Variants in KIF6 observed in about 807,000 individuals in gnomAD.
KIF6 encodes kinesin family member 6, also known as kinesin-like protein KIF6.
KIF6 carries 106 observed loss-of-function variants against 112.7 expected under a neutral mutation model. That is an observed-to-expected ratio of 0.94 (90% CI 0.80 to 1.11). The LOEUF is 1.11. Ranked by LOEUF, KIF6 falls within the 50% of genes least tolerant of loss-of-function variation. KIF6 has a pLI of 0.00. For missense variants in KIF6, 929 were observed against 964.0 expected, an observed-to-expected ratio of 0.96 and a Z score of 0.48; for synonymous variants, 339 against 339.9, an observed-to-expected ratio of 1.00 and a Z score of 0.03.
intron 3 of KIF6, among the ~76,000 whole-genome samples, chr6:39,669,263 G>GCTAC (rs1022549842): frequency 8.5e-5 from 13 of 152,260 alleles, no homozygotes; most frequent in Middle Eastern, 3.4e-3. Flanking sequence ...CACAAGTCAT[G>GCTAC]CTACCTCCCC....
intron 13 of KIF6, among the ~76,000 whole-genome samples, chr6:39,506,490 C>A (rs964937518): frequency 6.6e-6 from 1 of 152,042 alleles, no homozygotes; most frequent in African/African-American, 2.4e-5. Flanking sequence ...GCATATCCTG[C>A]ACATGTATCC....
intron 10 of KIF6, among the ~76,000 whole-genome samples, chr6:39,561,480 T>C (rs1258990106): frequency 6.6e-6 from 1 of 151,774 alleles, no homozygotes; most frequent in African/African-American, 2.4e-5. Flanking sequence ...GCATCTTGAG[T>C]AGCTGGGATT....
chr6:39,610,830 A>G (rs1275658583), intron 6 of KIF6, among the ~76,000 whole-genome samples: 1 of 152,234 alleles, frequency 6.6e-6, no homozygotes, highest in Non-Finnish European at 1.5e-5. Flanking sequence ...AAGAAAAGAC[A>G]AAAGCAAGCA....
chr6:39,602,717 C>T (rs529364148), intron 6 of KIF6, among the ~76,000 whole-genome samples: 2 of 152,292 alleles, frequency 1.3e-5, no homozygotes, highest in South Asian at 4.1e-4. Context: ...TCAAATCTCC[C>T]TATCAGTCTT....
intron 5 of KIF6, among the ~76,000 whole-genome samples, chr6:39,632,729 A>G (rs972712948): frequency 6.6e-6 from 1 of 152,060 alleles, no homozygotes; most frequent in African/African-American, 2.4e-5. Flanking sequence ...GGTTCAAGCG[A>G]TTCTCCTGCC....
At chr6:39,481,013 T>C (rs918830862) in intron 13 of KIF6, among the ~76,000 whole-genome samples, 1 of 152,174 alleles carries the variant, frequency 6.6e-6, no homozygotes. Context: ...ACCGGCCTTT[T>C]GTTTCATTTA....
At chr6:39,482,006 G>GCACACACA (rs143093562) in intron 13 of KIF6, among the ~76,000 whole-genome samples, 7,820 of 141,128 alleles carry the variant, frequency 0.055, 279 homozygotes, top group Admixed American at 0.13. Flanking sequence ...GGACCTTTAG[G>GCACACACA]CACACACACA....
At chr6:39,588,441 C>T (rs755649141) in intron 7 of KIF6, among the ~76,000 whole-genome samples, 12 of 152,150 alleles carry the variant, frequency 7.9e-5, no homozygotes, top group Non-Finnish European at 1.5e-4. Context: ...TCTCAAACTC[C>T]TGGCTCCAGT....
chr6:39,565,936 A>T (rs1202793988), intron 10 of KIF6, among the ~76,000 whole-genome samples: 1 of 152,224 alleles, frequency 6.6e-6, no homozygotes, highest in Non-Finnish European at 1.5e-5. Context: ...AGGTATTAAA[A>T]TAAAGTATCC....
chr6:39,442,277 A>T lies in KIF6; in HGVS notation c.1646-11116T>A, dbSNP rs142807666. 8.1e-3 allele frequency among the ~76,000 whole-genome samples: 1,230 copies of T among 152,342 alleles called. 11 individuals carry two copies. Among genetic ancestry groups the T allele is most frequent in the African/African-American group, 0.028 (1,154 of 41,588 alleles). On this transcript the variant is annotated intron_variant, in intron 13 of 22. Coordinates refer to ENST00000287152, the MANE Select transcript of KIF6 (RefSeq NM_145027.6). ...AAGGGCTGGCTTGCCAAAGGAGTGG[A>T]CAGGCCTGGAGCCTCTGAAAAAATG...
At chr6:39,477,786 G>A (rs772614172) in intron 13 of KIF6, among the ~76,000 whole-genome samples, 41 of 152,212 alleles carry the variant, frequency 2.7e-4, no homozygotes, top group Non-Finnish European at 3.8e-4. Flanking sequence ...GCTTGATCCC[G>A]GGAGGCGGAG....
At chr6:39,474,932 C>T (rs747159014) in intron 13 of KIF6, among the ~76,000 whole-genome samples, 2 of 152,218 alleles carry the variant, frequency 1.3e-5, no homozygotes, top group African/African-American at 2.4e-5. Flanking sequence ...AGGACGATTG[C>T]TATGACTTCA....
chr6:39,544,834 C>T, intron 11 of KIF6, 141 bp from the exon 12 acceptor site: 1 of 457,628 alleles, frequency 2.2e-6, no homozygotes, highest in Non-Finnish European at 3.8e-6. Context: ...CTTTGCGATG[C>T]AGTTGCTTTT....
intron 13 of KIF6, among the ~76,000 whole-genome samples, chr6:39,513,833 G>A (rs538908790): frequency 1.3e-5 from 2 of 152,214 alleles, no homozygotes; most frequent in Non-Finnish European, 2.9e-5. Flanking sequence ...ATAATAACAA[G>A]GTTTGAATGT....
chr6:39,703,856 C>T (rs947105391), intron 3 of KIF6, among the ~76,000 whole-genome samples: 12 of 152,172 alleles, frequency 7.9e-5, no homozygotes, highest in African/African-American at 2.4e-4. Context: ...CAGTTGTAAT[C>T]AATCACTACA....
intron 12 of KIF6, among the ~76,000 whole-genome samples, chr6:39,542,217 G>A (rs564032079): frequency 2.0e-5 from 3 of 152,214 alleles, no homozygotes; most frequent in East Asian, 1.9e-4. Context: ...CATAAAGATC[G>A]CAATACGAAT....
chr6:39,411,646 G>T (rs891470208), intron 15 of KIF6, among the ~76,000 whole-genome samples: 1 of 152,220 alleles, frequency 6.6e-6, no homozygotes, highest in Non-Finnish European at 1.5e-5. Flanking sequence ...GTTGGCAATG[G>T]TGAGTGAGCA....
intron 3 of KIF6, among the ~76,000 whole-genome samples, chr6:39,646,113 G>A (rs753108489): frequency 1.3e-4 from 20 of 148,856 alleles, no homozygotes; most frequent in South Asian, 6.3e-4. Flanking sequence ...AGAACTTAAC[G>A]TATAAGAAAA....
chr6:39,506,628 C>T (rs9357308), intron 13 of KIF6, among the ~76,000 whole-genome samples: 6,822 of 152,138 alleles, frequency 0.045, 289 homozygotes, highest in East Asian at 0.25. Context: ...CTAGGAACAT[C>T]TTTTGTTCTA....
Sources: allele counts gnomAD v4.1 joint callset (sites outside exome capture counted in the v4.1 genomes callset), GRCh38; gene constraint gnomAD v4.1.1; transcripts MANE v1.5; gene names NCBI Gene and HGNC (gene_info 2026-07-23, HGNC 2026-07-21).